CACNA1E: variants seen among roughly 807,000 people sequenced by gnomAD.
CACNA1E encodes the protein calcium voltage-gated channel subunit alpha1 E, also known as voltage-dependent R-type calcium channel subunit alpha-1E.
CACNA1E carries 40 observed loss-of-function variants against 259.2 expected under a neutral mutation model. The observed-to-expected ratio is 0.15, with a 90% CI of 0.12 to 0.20. The LOEUF (loss-of-function observed/expected upper bound fraction) is 0.20, where lower values mean the gene tolerates loss of function less well. Ranked by LOEUF, CACNA1E falls within the 10% of genes least tolerant of loss-of-function variation. CACNA1E has a pLI of 1.00. For synonymous variants in CACNA1E, 1,104 were observed against 1,138.5 expected, an observed-to-expected ratio of 0.97 and a Z score of 0.61; for missense variants, 1,874 against 3,040.1, an observed-to-expected ratio of 0.62 and a Z score of 9.02.
intron 21 of CACNA1E, among the ~76,000 whole-genome samples, chr1:181,735,227 G>C (rs1041914292): frequency 1.3e-5 from 2 of 152,310 alleles, no homozygotes; most frequent in East Asian, 3.9e-4. Context: ...GTGTTTGTTT[G>C]CTTTAATACA....
chr1:181,740,687 T>G (rs1656489569), intron 25 of CACNA1E, among the ~76,000 whole-genome samples: 1 of 152,220 alleles, frequency 6.6e-6, no homozygotes, highest in Admixed American at 6.5e-5. Context: ...AGTTTGTGAC[T>G]CTAAAATGGG....
chr1:181,717,312 G>A lies in CACNA1E; in HGVS notation c.1525+10G>A, dbSNP rs769481699. 1 of 1,610,252 alleles carries A rather than the reference G, an allele frequency of 6.2e-7. No homozygotes were observed. The highest frequency in any genetic ancestry group is 1.1e-5 in the South Asian group (1 of 90,988). On this transcript the variant is annotated intron_variant, in intron 11 of 47. Coordinates refer to ENST00000367573, the MANE Select transcript of CACNA1E (RefSeq NM_001205293.3). ...CTCACCCACCTCCTCTGTAAGTAAA[G>A]CCTCTCTCTAAAGCCTCCTCTGCTG...
At chr1:181,625,918 A>C (rs1374389607) in intron 6 of CACNA1E, among the ~76,000 whole-genome samples, 1 of 152,138 alleles carries the variant, frequency 6.6e-6, no homozygotes, top group Non-Finnish European at 1.5e-5. Flanking sequence ...TTTCACTTGA[A>C]CACTTAGAGG....
At chr1:181,687,408 ACTT>A (rs755850074) in intron 7 of CACNA1E, among the ~76,000 whole-genome samples, 51 of 152,184 alleles carry the variant, frequency 3.4e-4, no homozygotes, top group Non-Finnish European at 5.0e-4. Context: ...CTGTCACCAC[ACTT>A]CTTCTGTCTT....
At chr1:181,785,447 G>A (rs1253060413) in intron 42 of CACNA1E, 29 bp downstream of exon 42, 7 of 1,473,386 alleles carry the variant, frequency 4.8e-6, no homozygotes, top group Admixed American at 1.7e-5. Context: ...ATGCTAAGTG[G>A]GTGGGCCATG....
chr1:181,493,483 A>G (rs1316664216), intron 1 of CACNA1E, among the ~76,000 whole-genome samples: 2 of 152,216 alleles, frequency 1.3e-5, no homozygotes, highest in Non-Finnish European at 2.9e-5. Flanking sequence ...GTTGTTAAAA[A>G]ACTTAAGATA....
intron 1 of CACNA1E, among the ~76,000 whole-genome samples, chr1:181,368,684 T>C (rs1016057424): frequency 2.6e-5 from 4 of 152,178 alleles, no homozygotes; most frequent in Non-Finnish European, 5.9e-5. Context: ...CATGAGCGGC[T>C]TCAGTATGAG....
intron 43 of CACNA1E, among the ~76,000 whole-genome samples, chr1:181,788,521 G>C (rs1454105278): frequency 6.6e-6 from 1 of 152,298 alleles, no homozygotes; most frequent in African/African-American, 2.4e-5. Flanking sequence ...AGAGTGGTAG[G>C]GGAGTTGGAG....
At chr1:181,796,532 G>A in intron 46 of CACNA1E, 136 bp from the exon 47 acceptor site, 1 of 561,578 alleles carries the variant, frequency 1.8e-6, no homozygotes, top group Non-Finnish European at 3.0e-6. Flanking sequence ...ATTTGAATTT[G>A]GGGGGGGACA....
rs900669469 is a variant in CACNA1E at position 181,507,761 on chromosome 1, G to A, written c.267-2716G>A. ...ACCCCACATAGACCCATTAGAATGC[G>A]AGAGGTCTGCAGCTTGAACGAGAAA... On this transcript the variant is annotated intron_variant, in intron 1 of 47. Coordinates refer to ENST00000367573, the MANE Select transcript of CACNA1E (RefSeq NM_001205293.3). Among the ~76,000 whole-genome samples the A allele has an allele frequency of 2.6e-5, 4 of 152,224 alleles. No homozygotes were observed. In the East Asian group the frequency reaches 7.7e-4, roughly 29 times the overall value.
At chr1:181,594,675 G>A (rs1484167126) in intron 6 of CACNA1E, among the ~76,000 whole-genome samples, 6 of 152,222 alleles carry the variant, frequency 3.9e-5, no homozygotes, top group South Asian at 2.1e-4. Context: ...TGGGATTACA[G>A]ACATGAGCCA....
chr1:181,509,921 A>G (rs1486944933), intron 1 of CACNA1E, among the ~76,000 whole-genome samples: 1 of 152,228 alleles, frequency 6.6e-6, no homozygotes, highest in African/African-American at 2.4e-5. Context: ...GGAAGCTCAC[A>G]TGGAGAGAAT....
chr1:181,798,454 G>T lies in CACNA1E; in HGVS notation c.6562G>T (p.Gly2188Ter). 1 of 1,613,842 alleles carries T rather than the reference G, an allele frequency of 6.2e-7. No individual in the cohort carries two copies. The highest frequency in any genetic ancestry group is 8.5e-7 in the Non-Finnish European group (1 of 1,179,896). Residue 2188 changes from glycine (G) to a stop codon, truncating the protein, a stop_gained, in exon 48 of 48, where the codon GGA (glycine) becomes TGA (stop). Coordinates refer to ENST00000367573, the MANE Select transcript of CACNA1E (RefSeq NM_001205293.3). LOFTEE classifies it high-confidence loss of function. The surrounding 1 kb of genome is among the most constrained non-coding windows in gnomAD (Gnocchi z 4.2). ...HAGSISPPAD[G>*]SEEGSPLTSQ... is the part of the protein sequence containing the mutation. ...GGGCAGCATCTCTCCACCTGCTGAT[G>T]GAAGCGAGGAGGGCTCCCCGCTGAC...
At position 181,758,176 on chromosome 1, in the gene CACNA1E, G is replaced by A; in HGVS notation, c.4494+65G>A. ...GATGGTTCCCTCCCAGGGCAAGTGG[G>A]AAGACACCCCAACATCCCAGCCCAT... On this transcript the variant is annotated intron_variant, in intron 31 of 47. Transcript: ENST00000367573. The surrounding 1 kb of genome is among the most constrained non-coding windows in gnomAD (Gnocchi z 4.2). 7.0e-7 allele frequency: 1 copy of A among 1,425,232 alleles called. No individual in the cohort carries two copies. The highest frequency in any genetic ancestry group is 9.8e-7 in the Non-Finnish European group (1 of 1,019,814). 88.3% of individuals were successfully genotyped at this position (1,425,232 alleles called of 1,614,324 possible). A position where few individuals can be genotyped will look rare whatever the true frequency, so the allele number is the denominator to read the frequency against.
At chr1:181,654,348 CA>C (rs1659014880) in intron 7 of CACNA1E, among the ~76,000 whole-genome samples, 2 of 151,724 alleles carry the variant, frequency 1.3e-5, no homozygotes, top group Non-Finnish European at 2.9e-5. Flanking sequence ...AAATTACCTA[CA>C]AAACAGAACA....
At chr1:181,430,387 T>A (rs1659629849) in intron 2 of CACNA1E, among the ~76,000 whole-genome samples, 1 of 152,168 alleles carries the variant, frequency 6.6e-6, no homozygotes, top group Non-Finnish European at 1.5e-5. Context: ...TATAAGAAAC[T>A]CCCCTCATCT....
chr1:181,448,205 T>G (rs928487756), intron 2 of CACNA1E, among the ~76,000 whole-genome samples: 1 of 152,220 alleles, frequency 6.6e-6, no homozygotes, highest in Non-Finnish European at 1.5e-5. Flanking sequence ...TACATGTAAT[T>G]TAAATTCTAG....
At chr1:181,685,870 T>C (rs1042006819) in intron 7 of CACNA1E, among the ~76,000 whole-genome samples, 3 of 152,352 alleles carry the variant, frequency 2.0e-5, no homozygotes, top group African/African-American at 7.2e-5. Context: ...CTGTCCTTTA[T>C]ATTTTTTATC....
chr1:181,704,241 G>A (rs1159523467), intron 7 of CACNA1E, among the ~76,000 whole-genome samples: 3 of 152,138 alleles, frequency 2.0e-5, no homozygotes, highest in Non-Finnish European at 4.4e-5. Context: ...CTCTGGGGCT[G>A]TGTTTGCTTC....
Sources: gnomAD v4.1 joint callset for allele counts (sites outside exome capture counted in the v4.1 genomes callset) on GRCh38, gnomAD v4.1.1 for gene constraint, Gnocchi (gnomAD v3.1) non-coding constraint, MANE v1.5 for transcripts, NCBI Gene and HGNC (gene_info 2026-07-23, HGNC 2026-07-21) for gene names.